Variants in RAMP1 observed in about 807,000 individuals in gnomAD.
RAMP1 encodes receptor activity-modifying protein 1.
In RAMP1, 7 loss-of-function variants were observed where a neutral mutation model predicts 8.2. The observed-to-expected ratio is 0.85, with a 90% CI of 0.49 to 1.60. RAMP1 has a LOEUF of 1.60. Among genes scored for constraint, RAMP1 ranks in the 40% most tolerant of loss-of-function variants. The probability of loss-of-function intolerance (pLI) is 0.00; values close to 1 mark genes in which losing one functional copy is unlikely to be tolerated. For synonymous variants in RAMP1, 92 were observed against 84.7 expected (o/e 1.09, Z -0.47); for missense variants, 192 against 202.4 (o/e 0.95, Z 0.31).
intron 2 of RAMP1, among the ~76,000 whole-genome samples, chr2:237,900,772 C>CT (rs1404163536): frequency 1.3e-5 from 2 of 151,520 alleles, no homozygotes; most frequent in African/African-American, 4.9e-5. Context: ...TAAATTTATC[C>CT]TTTTTTTAAA....
intron 2 of RAMP1, among the ~76,000 whole-genome samples, chr2:237,909,617 C>T (rs1470694378): frequency 1.3e-5 from 2 of 152,144 alleles, no homozygotes; most frequent in Admixed American, 6.6e-5. Flanking sequence ...GCTCTACCCA[C>T]GGCCAGTGAT....
chr2:237,859,825 G>C, intron 1 of RAMP1, 98 bp downstream of exon 1: 2 of 1,124,156 alleles, frequency 1.8e-6, no homozygotes, highest in Non-Finnish European at 2.3e-6. Context: ...GGTGGGAGCG[G>C]GTGGGGGCGG....
intron 1 of RAMP1, among the ~76,000 whole-genome samples, chr2:237,873,044 G>T (rs1026765680): frequency 6.6e-6 from 1 of 152,156 alleles, no homozygotes; most frequent in Non-Finnish European, 1.5e-5. Context: ...AAATAAACAG[G>T]CTAATGGGTG....
At chr2:237,901,316 G>A (rs1380746338) in intron 2 of RAMP1, among the ~76,000 whole-genome samples, 1 of 152,262 alleles carries the variant, frequency 6.6e-6, no homozygotes, top group African/African-American at 2.4e-5. Flanking sequence ...GGTGTCTGCA[G>A]TCTGGTTGTT....
chr2:237,885,787 C>A (rs547081419), intron 2 of RAMP1, among the ~76,000 whole-genome samples: 2 of 152,350 alleles, frequency 1.3e-5, no homozygotes, highest in African/African-American at 4.8e-5. Context: ...GGCTAGATGT[C>A]TGTTCCCCCA....
chr2:237,867,752 CTGTT>C (rs2062204120), intron 1 of RAMP1, among the ~76,000 whole-genome samples: 1 of 152,188 alleles, frequency 6.6e-6, no homozygotes, highest in Admixed American at 6.5e-5. Context: ...CTGTTGGCCA[CTGTT>C]TGTTCTGAGT....
At chr2:237,887,204 C>T (rs1041696792) in intron 2 of RAMP1, among the ~76,000 whole-genome samples, 6 of 152,176 alleles carry the variant, frequency 3.9e-5, no homozygotes, top group Admixed American at 6.5e-5. Context: ...GATGTCCCCT[C>T]CTAATGCTGA....
At chr2:237,910,484 C>T (rs1410403617) in intron 2 of RAMP1, among the ~76,000 whole-genome samples, 1 of 151,980 alleles carries the variant, frequency 6.6e-6, no homozygotes, top group East Asian at 1.9e-4. Context: ...GTCACACCCA[C>T]ACACAGTCAC....
rs1210758700 is a variant in RAMP1, at chr2:237,878,458, G to C, written c.191+1096G>C. Among the ~76,000 whole-genome samples, 1 of 152,258 alleles carries C rather than the reference G, an allele frequency of 6.6e-6. No individual in the cohort carries two copies. Among genetic ancestry groups the C allele is most frequent in the Non-Finnish European group, 1.5e-5 (1 of 68,050 alleles). Reference sequence around the variant, plus strand: ...TAGTTGGACTCGTCACCCCTCCCCTGTGGGTTGCAGGCTGGCGTGAGCACA... The same window carrying C: ...TAGTTGGACTCGTCACCCCTCCCCTCTGGGTTGCAGGCTGGCGTGAGCACA... On this transcript the variant is annotated intron_variant, in intron 2 of 2. Transcript: ENST00000254661. The surrounding 1 kb of genome is among the most constrained non-coding windows in gnomAD (Gnocchi z 5.7).
intron 2 of RAMP1, among the ~76,000 whole-genome samples, chr2:237,902,759 G>A (rs764532719): frequency 9.9e-5 from 15 of 152,248 alleles, no homozygotes; most frequent in African/African-American, 1.4e-4. Flanking sequence ...CACCAGGCAC[G>A]GTGGCTGCAG....
chr2:237,864,174 C>T (rs1031810004), intron 1 of RAMP1, among the ~76,000 whole-genome samples: 5 of 152,104 alleles, frequency 3.3e-5, no homozygotes, highest in African/African-American at 1.2e-4. Context: ...CCAGCTCACT[C>T]CAGGGGGTGG....
At chr2:237,869,516 G>A (rs1294962684) in intron 1 of RAMP1, among the ~76,000 whole-genome samples, 1 of 152,286 alleles carries the variant, frequency 6.6e-6, no homozygotes, top group East Asian at 1.9e-4. Context: ...CTAGGAACCT[G>A]TATTAGTGGA....
intron 1 of RAMP1, among the ~76,000 whole-genome samples, chr2:237,861,409 G>A (rs2062131989): frequency 2.0e-5 from 3 of 152,216 alleles, no homozygotes; most frequent in Admixed American, 2.0e-4. Flanking sequence ...CCAAGCTGTA[G>A]CACTAGCCAG....
intron 2 of RAMP1, among the ~76,000 whole-genome samples, chr2:237,893,800 G>T (rs1340640767): frequency 6.6e-6 from 1 of 151,842 alleles, no homozygotes; most frequent in Non-Finnish European, 1.5e-5. Flanking sequence ...TCAGTTGGGC[G>T]TGGTGGCACG....
In RAMP1 at chr2:237,909,122, T is replaced by C. The variant is rs1175030772; in HGVS notation, c.192-2406T>C. Among the ~76,000 whole-genome samples, 5 of 152,272 alleles carry C rather than the reference T, an allele frequency of 3.3e-5. No homozygotes were observed. The East Asian group carries it at 5.8e-4, about 18-fold the overall frequency. Reference sequence around the variant, plus strand: ...GGCTCTCTGGCTTACGGATGCCCACTGTGGCCTCAACCCCCAGTGAGTGCA... The same window carrying C: ...GGCTCTCTGGCTTACGGATGCCCACCGTGGCCTCAACCCCCAGTGAGTGCA... On this transcript the variant is annotated intron_variant, in intron 2 of 2. Coordinates refer to ENST00000254661, the MANE Select transcript of RAMP1 (RefSeq NM_005855.4).
chr2:237,873,579 C>T (rs575496581), intron 1 of RAMP1, among the ~76,000 whole-genome samples: 1 of 152,292 alleles, frequency 6.6e-6, no homozygotes, highest in Non-Finnish European at 1.5e-5. Flanking sequence ...CTAACTTACG[C>T]ACAGCTCGAG....
Position 237,911,747 on chromosome 2 carries a change from G to A in RAMP1, c.411G>A (p.Val137=). Residue 137 remains valine (V), a synonymous_variant, in exon 3 of 3, where the codon GTG becomes GTA. Coordinates refer to ENST00000254661, the MANE Select transcript of RAMP1 (RefSeq NM_005855.4). ...ITVTLLVTAL[V]VWQSKRTEGI... ...TGACCCTGCTGGTGACGGCACTGGT[G>A]GTCTGGCAGAGCAAGCGCACTGAGG... 1 of 1,612,544 alleles carries A rather than the reference G, an allele frequency of 6.2e-7. No individual in the cohort carries two copies. The highest frequency in any genetic ancestry group is 8.5e-7 in the Non-Finnish European group (1 of 1,179,480).
intron 2 of RAMP1, among the ~76,000 whole-genome samples, chr2:237,899,747 T>A (rs1310384020): frequency 6.6e-6 from 1 of 152,240 alleles, no homozygotes; most frequent in East Asian, 1.9e-4. Flanking sequence ...TTAACTTTTT[T>A]AAATGAACTG....
intron 2 of RAMP1, 44 bp from the exon 3 acceptor site, chr2:237,911,484 C>T: frequency 6.2e-7 from 1 of 1,602,918 alleles, no homozygotes; most frequent in Non-Finnish European, 8.5e-7. Context: ...CGCGTTGGAT[C>T]CCCCGCCTGC....
Sources: allele counts gnomAD v4.1 joint callset (sites outside exome capture counted in the v4.1 genomes callset), GRCh38; gene constraint gnomAD v4.1.1; non-coding constraint Gnocchi (gnomAD v3.1); transcripts MANE v1.5; gene names NCBI Gene and HGNC (gene_info 2026-07-23, HGNC 2026-07-21).